The following UTY variants were observed in gnomAD, a reference collection of about 807,000 sequenced individuals.
UTY encodes ubiquitously transcribed tetratricopeptide repeat containing, Y-linked.
Under a neutral mutation model 32.5 loss-of-function variants are expected in UTY, and 12 were observed. The ratio of observed to expected loss-of-function variants is 0.37; its 90% CI spans 0.24 to 0.60. UTY has a LOEUF of 0.60. UTY is among the 20% of genes least tolerant of loss of function. The pLI, the probability that UTY is intolerant of heterozygous loss-of-function variation, is 0.69. For missense variants in UTY, 303 were observed against 299.2 expected (o/e 1.01, Z -0.09); for synonymous variants, 131 against 103.4 (o/e 1.27, Z -1.62).
chrY:13,240,980 CAA>C (rs1164395052), intron 28 of UTY, among the ~76,000 whole-genome samples: 1 of 13,070 alleles, frequency 7.7e-5, no homozygotes, highest in Non-Finnish European at 1.7e-4. Context: ...GACACTGTCT[CAA>C]AAAAAAAAAA....
chrY:13,334,588 A>G, intron 18 of UTY, among the ~76,000 whole-genome samples: 1 of 34,032 alleles, frequency 2.9e-5, no homozygotes, highest in Non-Finnish European at 7.3e-5. Flanking sequence ...GCCAACAAAC[A>G]TGAAAAGCAG....
intron 4 of UTY, among the ~76,000 whole-genome samples, chrY:13,440,435 C>A: frequency 3.0e-5 from 1 of 33,298 alleles, no homozygotes; most frequent in South Asian, 6.7e-4. Context: ...ACATACCCTG[C>A]CTGTGCCTAG....
chrY:13,365,680 TA>T (rs2064068718), intron 10 of UTY, among the ~76,000 whole-genome samples: 1 of 32,129 alleles, frequency 3.1e-5, no homozygotes. Context: ...AAATTACGAT[TA>T]TAACAGCAGT....
chrY:13,430,144 A>G (rs2073840191), intron 4 of UTY, among the ~76,000 whole-genome samples: 1 of 33,989 alleles, frequency 2.9e-5, no homozygotes, highest in Non-Finnish European at 7.3e-5. Context: ...GGATTTTTGC[A>G]TTTATGTTCA....
intron 20 of UTY, among the ~76,000 whole-genome samples, 159 bp from the exon 21 acceptor site, chrY:13,323,919 A>C: frequency 6.0e-5 from 2 of 33,568 alleles, no homozygotes; most frequent in Admixed American, 5.5e-4. Flanking sequence ...CTATATAACC[A>C]TCATGTCAGG....
At position 13,248,845 on chromosome Y, in the gene UTY, G is replaced by A; in HGVS notation, c.*1011C>T. ...AAACTTCCGTAATACTTTATAATAGGCACCTCAAAAACTACCATAGATGTA... is the reference window on the plus strand; with the variant it reads ...AAACTTCCGTAATACTTTATAATAGACACCTCAAAAACTACCATAGATGTA... On this transcript the variant is annotated 3_prime_UTR_variant, in exon 30 of 30. Coordinates refer to ENST00000545955, the MANE Select transcript of UTY (RefSeq NM_001258249.2). The A allele has an allele frequency of 2.6e-5, 1 of 38,081 alleles. No individual in the cohort carries two copies. The highest frequency in any genetic ancestry group is 1.2e-4 in the African/African-American group (1 of 8,592). 9.5% of individuals were successfully genotyped at this position (38,081 alleles called of 400,897 possible).
intron 8 of UTY, 79 bp from the exon 9 acceptor site, chrY:13,369,428 C>T: frequency 6.3e-5 from 6 of 95,786 alleles, no homozygotes; most frequent in Non-Finnish European, 1.1e-4. Context: ...ACAATATATA[C>T]ATGGCCATAC....
intron 27 of UTY, among the ~76,000 whole-genome samples, chrY:13,267,218 A>G (rs2055889864): frequency 3.0e-5 from 1 of 33,478 alleles, no homozygotes; most frequent in South Asian, 6.7e-4. Context: ...GGCTGTATAT[A>G]TATGTAGGAA....
chrY:13,251,258 A>G, intron 28 of UTY, 71 bp from the exon 29 acceptor site: 3 of 235,952 alleles, frequency 1.3e-5, no homozygotes, highest in Non-Finnish European at 1.9e-5. Flanking sequence ...CACTTTAACC[A>G]TGGGGATTCT....
intron 18 of UTY, among the ~76,000 whole-genome samples, chrY:13,327,928 C>A (rs2060366439): frequency 3.0e-5 from 1 of 33,611 alleles, no homozygotes; most frequent in Non-Finnish European, 7.4e-5. Flanking sequence ...ACAACCACCT[C>A]CGTAAAAAAA....
upstream of UTY, chrY:13,480,153 G>A (rs9341272): frequency 9.4e-5 from 4 of 42,724 alleles, no homozygotes; most frequent in African/African-American, 4.5e-4. Flanking sequence ...GAGGCTGACT[G>A]ATTCTGACCG....
At chrY:13,445,379 T>C in intron 4 of UTY, among the ~76,000 whole-genome samples, 1 of 26,676 alleles carries the variant, frequency 3.7e-5, no homozygotes, top group Non-Finnish European at 8.5e-5. Context: ...ATTTGTGAAT[T>C]TGTGTGTCTC....
chrY:13,237,623 T>C (rs2053863413), intron 28 of UTY, among the ~76,000 whole-genome samples: 1 of 33,114 alleles, frequency 3.0e-5, no homozygotes, highest in African/African-American at 1.2e-4. Context: ...CCTTTAAGCA[T>C]ATAGCCTGTG....
intron 27 of UTY, among the ~76,000 whole-genome samples, chrY:13,280,806 A>G (rs2056969051): frequency 3.0e-5 from 1 of 33,223 alleles, no homozygotes; most frequent in African/African-American, 1.2e-4. Context: ...GGGCCACTAC[A>G]CACAGCCAAC....
chrY:13,312,318 G>T, intron 21 of UTY, among the ~76,000 whole-genome samples: 1 of 32,106 alleles, frequency 3.1e-5, no homozygotes, highest in Admixed American at 2.7e-4. Flanking sequence ...GCGTGAACCC[G>T]GGAGGCGGAG....
intron 17 of UTY, among the ~76,000 whole-genome samples, chrY:13,354,473 G>C: frequency 9.7e-5 from 3 of 30,943 alleles, no homozygotes; most frequent in African/African-American, 3.8e-4. Flanking sequence ...AAGAGGGAAG[G>C]AAGGGAGGGA....
chrY:13,282,906 C>T (rs2057113796), intron 27 of UTY, among the ~76,000 whole-genome samples: 1 of 34,403 alleles, frequency 2.9e-5, no homozygotes, highest in Non-Finnish European at 7.3e-5. Flanking sequence ...AGAGCGCTCC[C>T]GGGAAAGAAA....
intron 27 of UTY, among the ~76,000 whole-genome samples, chrY:13,273,008 G>A (rs2056407176): frequency 3.0e-5 from 1 of 33,544 alleles, no homozygotes; most frequent in Non-Finnish European, 7.4e-5. Flanking sequence ...ATAATTATTT[G>A]GGGGATCACT....
intron 4 of UTY, among the ~76,000 whole-genome samples, chrY:13,446,551 GAGAT>G (rs765977720): frequency 0.058 from 600 of 10,344 alleles, no homozygotes; most frequent in Middle Eastern, 0.091. Context: ...GTAACAGTGT[GAGAT>G]AGATAGATAG....
Sources: allele counts gnomAD v4.1 joint callset (sites outside exome capture counted in the v4.1 genomes callset), GRCh38; gene constraint gnomAD v4.1.1; transcripts MANE v1.5; gene names NCBI Gene and HGNC (gene_info 2026-07-23, HGNC 2026-07-21).